The following AGBL4 variants were observed in gnomAD, a reference collection of about 807,000 sequenced individuals.
AGBL4 encodes AGBL carboxypeptidase 4.
Under a neutral mutation model 66.4 loss-of-function variants are expected in AGBL4, and 58 were observed. That is an observed-to-expected ratio of 0.87 (90% CI 0.71 to 1.09). The LOEUF (loss-of-function observed/expected upper bound fraction) is 1.09, where lower values mean the gene tolerates loss of function less well. AGBL4 is among the 50% of genes least tolerant of loss of function. AGBL4 has a pLI of 0.00. For synonymous variants in AGBL4, 234 were observed against 222.9 expected, an observed-to-expected ratio of 1.05 and a Z score of -0.44; for missense variants, 579 against 631.0, an observed-to-expected ratio of 0.92 and a Z score of 0.88.
At chr1:49,122,775 T>G (rs1357228419) in intron 4 of AGBL4, among the ~76,000 whole-genome samples, 1 of 152,204 alleles carries the variant, frequency 6.6e-6, no homozygotes, top group Non-Finnish European at 1.5e-5. Flanking sequence ...AAGGATTGAA[T>G]GAAATAATGT....
At chr1:48,660,568 GCTGAGACAC>G (rs745639372) in intron 7 of AGBL4, among the ~76,000 whole-genome samples, 100 of 152,366 alleles carry the variant, frequency 6.6e-4, no homozygotes, top group Non-Finnish European at 1.2e-3. Flanking sequence ...TCTACATGTA[GCTGAGACAC>G]CCTTAGAAAA....
chr1:48,586,562 G>A (rs1056677410), intron 11 of AGBL4: 3 of 180,916 alleles, frequency 1.7e-5, no homozygotes, highest in South Asian at 1.3e-4. Flanking sequence ...AGTGGGAGAG[G>A]ATAGGTTAGA....
chr1:49,572,656 C>A (rs1252194880), intron 3 of AGBL4, among the ~76,000 whole-genome samples: 1 of 152,096 alleles, frequency 6.6e-6, no homozygotes, highest in African/African-American at 2.4e-5. Flanking sequence ...TTATAGTATT[C>A]TCTGATAGTT....
intron 4 of AGBL4, among the ~76,000 whole-genome samples, chr1:49,070,349 T>A (rs2147933196): frequency 1.3e-5 from 2 of 152,094 alleles, no homozygotes; most frequent in Middle Eastern, 3.4e-3. Flanking sequence ...GCCCATTCAG[T>A]ATGATAGTGC....
chr1:49,969,417 T>C (rs1657863578), intron 1 of AGBL4, among the ~76,000 whole-genome samples: 1 of 152,076 alleles, frequency 6.6e-6, no homozygotes, highest in Non-Finnish European at 1.5e-5. Context: ...TTTCTAAGTA[T>C]ACAACACAGT....
chr1:49,013,835 C>T (rs1360869875), intron 5 of AGBL4, among the ~76,000 whole-genome samples: 2 of 152,150 alleles, frequency 1.3e-5, no homozygotes, highest in African/African-American at 4.8e-5. Flanking sequence ...AAGTACATGG[C>T]GTCCAGGTTC....
intron 6 of AGBL4, among the ~76,000 whole-genome samples, chr1:48,672,017 C>A (rs1344779449): frequency 1.3e-5 from 2 of 152,136 alleles, no homozygotes; most frequent in African/African-American, 4.8e-5. Context: ...ACAAGGACAA[C>A]AAAAACAGTT....
intron 5 of AGBL4, among the ~76,000 whole-genome samples, chr1:49,036,974 C>A (rs892400819): frequency 1.3e-5 from 2 of 151,800 alleles, no homozygotes; most frequent in African/African-American, 4.8e-5. Flanking sequence ...GGATGGAGCA[C>A]GGCTGCTGAA....
chr1:48,973,664 T>C (rs1659093465), intron 5 of AGBL4, among the ~76,000 whole-genome samples: 1 of 152,184 alleles, frequency 6.6e-6, no homozygotes, highest in African/African-American at 2.4e-5. Flanking sequence ...ATAAGCATTG[T>C]TATTTAAGGC....
intron 6 of AGBL4, among the ~76,000 whole-genome samples, chr1:48,668,457 G>A (rs1646224518): frequency 6.6e-6 from 1 of 152,174 alleles, no homozygotes; most frequent in Admixed American, 6.5e-5. Flanking sequence ...GTCTCTGGTA[G>A]CTGGTGGCTG....
rs1417572974 is a variant in AGBL4, at chr1:49,514,907, A to C, written c.282+182406T>G. Among the ~76,000 whole-genome samples, 5 of 152,228 alleles carry C rather than the reference A, an allele frequency of 3.3e-5. No individual in the cohort carries two copies. In the East Asian group the frequency reaches 9.6e-4, roughly 29 times the overall value. ...TAATTCAAGATGGATTAAAGACTTA[A>C]ATGTTAGACCTGAAACCATAAAAAC... On this transcript the variant is annotated intron_variant, in intron 3 of 13. Transcript: ENST00000371839.
chr1:49,380,127 T>C (rs1570571935), intron 3 of AGBL4, among the ~76,000 whole-genome samples: 1 of 152,258 alleles, frequency 6.6e-6, no homozygotes, highest in South Asian at 2.1e-4. Context: ...AAAATCTCCT[T>C]AAGCTGATAA....
At chr1:48,712,837 G>T (rs1264053771) in intron 6 of AGBL4, among the ~76,000 whole-genome samples, 1 of 152,190 alleles carries the variant, frequency 6.6e-6, no homozygotes, top group Non-Finnish European at 1.5e-5. Flanking sequence ...CATAGTTGTG[G>T]CCCCCGTGAA....
chr1:49,855,877 G>C (rs1016976220), intron 1 of AGBL4, among the ~76,000 whole-genome samples: 1 of 151,830 alleles, frequency 6.6e-6, no homozygotes, highest in African/African-American at 2.4e-5. Flanking sequence ...AAAATAAGTA[G>C]AAGAAAATAA....
At chr1:49,526,215 A>G (rs1019708618) in intron 3 of AGBL4, among the ~76,000 whole-genome samples, 3 of 152,136 alleles carry the variant, frequency 2.0e-5, no homozygotes, top group Admixed American at 6.5e-5. Context: ...TTGCTTTCAC[A>G]GAAGAGTCAT....
At chr1:49,106,795 G>T (rs773044325) in intron 4 of AGBL4, among the ~76,000 whole-genome samples, 6 of 152,126 alleles carry the variant, frequency 3.9e-5, no homozygotes, top group Admixed American at 2.0e-4. Context: ...TTCTATGAAA[G>T]ACCTTAATAT....
chr1:48,710,689 G>T (rs370573045), intron 6 of AGBL4, among the ~76,000 whole-genome samples: 118 of 152,264 alleles, frequency 7.7e-4, no homozygotes, highest in African/African-American at 2.7e-3. Flanking sequence ...TTTTCTTTCA[G>T]TGTGGAGGCA....
intron 3 of AGBL4, among the ~76,000 whole-genome samples, chr1:49,283,313 A>C (rs371710735): frequency 6.6e-6 from 1 of 152,184 alleles, no homozygotes; most frequent in African/African-American, 2.4e-5. Context: ...TGAGGGTCCT[A>C]TCTGTTAGAA....
intron 4 of AGBL4, among the ~76,000 whole-genome samples, chr1:49,062,685 A>G (rs1644424597): frequency 6.6e-6 from 1 of 152,168 alleles, no homozygotes; most frequent in Non-Finnish European, 1.5e-5. Flanking sequence ...TCTCAATGAC[A>G]TCTTATACAC....
Sources: gnomAD v4.1 joint callset for allele counts (sites outside exome capture counted in the v4.1 genomes callset) on GRCh38, gnomAD v4.1.1 for gene constraint, MANE v1.5 for transcripts, NCBI Gene and HGNC (gene_info 2026-07-23, HGNC 2026-07-21) for gene names.